The following SMC4 variants were observed in gnomAD, a reference collection of about 807,000 sequenced individuals.
The protein encoded by SMC4 is structural maintenance of chromosomes 4.
SMC4 carries 87 observed loss-of-function variants against 145.6 expected under a neutral mutation model. The observed-to-expected ratio is 0.60, with a 90% confidence interval of 0.50 to 0.71. SMC4 has a LOEUF of 0.71. SMC4 is among the 30% of genes least tolerant of loss of function. The probability of loss-of-function intolerance (pLI) is 0.00; values close to 1 mark genes in which losing one functional copy is unlikely to be tolerated. For missense variants in SMC4, 1,447 were observed against 1,537.1 expected, an observed-to-expected ratio of 0.94 and a Z score of 0.98; for synonymous variants, 558 against 500.7, an observed-to-expected ratio of 1.11 and a Z score of -1.53.
intron 19 of SMC4, 67 bp downstream of exon 19, chr3:160,430,810 A>G (rs935954354): frequency 1.3e-4 from 198 of 1,518,022 alleles, no homozygotes; most frequent in Non-Finnish European, 1.7e-4. Context: ...AGCTGGATAT[A>G]TGACAGTGCC....
intron 5 of SMC4, among the ~76,000 whole-genome samples, chr3:160,409,223 G>A (rs929811971): frequency 3.8e-5 from 5 of 129,976 alleles, no homozygotes. Flanking sequence ...TCGAGATCGC[G>A]CCACTGCACT....
At chr3:160,416,523 T>A in intron 10 of SMC4, 108 bp downstream of exon 10, 2 of 632,718 alleles carry the variant, frequency 3.2e-6, no homozygotes, top group Non-Finnish European at 2.6e-6. Flanking sequence ...TTTGGACTTT[T>A]AATGTCCAAC....
Position 160,419,431 on chromosome 3 carries a change from A to T in SMC4, c.1745A>T (p.Lys582Ile). Residue 582 changes from lysine (K) to isoleucine (I), a missense_variant, in exon 12 of 24, where the codon AAA becomes ATA. Coordinates refer to ENST00000357388, the MANE Select transcript of SMC4 (RefSeq NM_001002800.3). ...AGTTTGGTTCATGATCTCTTTCAAA[A>T]AGTTGAAGAAGCAAAGAGCTCATTA... ...FKSLVHDLFQ[K>I]VEEAKSSLAM... 3 of 1,612,650 alleles carry T rather than the reference A, an allele frequency of 1.9e-6. No homozygotes were observed. Among genetic ancestry groups the T allele is most frequent in the Non-Finnish European group, 2.5e-6 (3 of 1,179,648 alleles).
At chr3:160,418,543 T>C (rs1485911034) in intron 11 of SMC4, among the ~76,000 whole-genome samples, 1 of 152,144 alleles carries the variant, frequency 6.6e-6, no homozygotes, top group Non-Finnish European at 1.5e-5. Flanking sequence ...AAAATAAATA[T>C]GAGTCTTTTT....
At chr3:160,423,324 T>C in intron 13 of SMC4, 101 bp from the exon 14 acceptor site, 1 of 868,794 alleles carries the variant, frequency 1.2e-6, no homozygotes, top group East Asian at 2.5e-5. Flanking sequence ...AATTCTTGTT[T>C]CTTTTGTTGA....
In SMC4 at chr3:160,416,420, GTTTT is replaced by G. The variant is rs572963988; in HGVS notation, c.1437+14_1437+17del. The stretch of plus-strand genomic sequence containing the variant: ...GGGCTTCAGAAAGAAAAAGAAGTAA[GTTTT>G]TTTTTTTTATCAGTGTTTATTTTGG... On this transcript the variant is annotated splice_donor_region_variant and intron_variant, in intron 10 of 23. Coordinates refer to ENST00000357388, the MANE Select transcript of SMC4 (RefSeq NM_001002800.3). 4.5e-6 allele frequency: 5 copies of G among 1,106,636 alleles called. No individual in the cohort carries two copies. The highest frequency in any genetic ancestry group is 2.3e-5 in the South Asian group (1 of 44,278). The allele number at this position is 1,106,636 out of a possible 1,614,324, so 68.6% of individuals were successfully genotyped here.
At chr3:160,403,834 G>T (rs971165865) in intron 4 of SMC4, among the ~76,000 whole-genome samples, 11 of 151,668 alleles carry the variant, frequency 7.3e-5, no homozygotes, top group African/African-American at 2.4e-4. Flanking sequence ...GAATTTAGTT[G>T]TTATTTCTTT....
At position 160,412,331 on chromosome 3, in the gene SMC4, CAG is replaced by C. The variant is rs1313632878; in HGVS notation, c.859_860del (p.Arg287GlyfsTer27). ...TAAACTTTTAATTTCTGTAGTTAAACAGGGTAAAGATGGTGGAAAAGGAAAAG... is the reference window on the plus strand; with the variant it reads ...TAAACTTTTAATTTCTGTAGTTAAACGGTAAAGATGGTGGAAAAGGAAAAG... Reference protein sequence around the residue: ...LNEHRGEKLNRVKMVEKEKDA... With the variant: ...LNEHRGEKLNXVKMVEKEKDA... On this transcript the variant is annotated frameshift_variant, in exon 7 of 24. Transcript: ENST00000357388. LOFTEE classifies it high-confidence loss of function. The C allele has an allele frequency of 6.3e-6, 10 of 1,588,368 alleles. No individual in the cohort carries two copies. Among genetic ancestry groups the C allele is most frequent in the Admixed American group, 1.7e-5 (1 of 58,874 alleles).
At chr3:160,424,729 G>C in intron 15 of SMC4, 138 bp from the exon 16 acceptor site, 1 of 827,226 alleles carries the variant, frequency 1.2e-6, no homozygotes. Flanking sequence ...AGAATCGCTT[G>C]AACCCGGGAG....
chr3:160,412,943 T>C (rs980692780), intron 7 of SMC4: 1 of 350,590 alleles, frequency 2.9e-6, no homozygotes, highest in South Asian at 1.1e-4. Flanking sequence ...TTTCAGCTTA[T>C]GATGAACTGT....
chr3:160,414,669 G>A, intron 9 of SMC4, 152 bp downstream of exon 9: 1 of 820,562 alleles, frequency 1.2e-6, no homozygotes, highest in South Asian at 1.7e-5. Context: ...ACCCCCTCAA[G>A]GGAAACCTTG....
intron 7 of SMC4, chr3:160,412,804 T>TTATC (rs10673842): frequency 0.52 from 499,190 of 964,538 alleles, 131,610 homozygotes; most frequent in African/African-American, 0.57. Flanking sequence ...TTAGGCATAT[T>TTATC]AATTCATTGA....
intron 5 of SMC4, among the ~76,000 whole-genome samples, chr3:160,407,542 G>C (rs1576944794): frequency 6.6e-6 from 1 of 151,270 alleles, no homozygotes; most frequent in Non-Finnish European, 1.5e-5. Context: ...GACAGACCTT[G>C]TCTCTAAATA....
intron 5 of SMC4, among the ~76,000 whole-genome samples, chr3:160,406,282 T>C (rs1404346723): frequency 5.3e-5 from 8 of 152,070 alleles, no homozygotes; most frequent in Non-Finnish European, 8.8e-5. Flanking sequence ...TCAATTAAAT[T>C]TATAGATAAG....
At chr3:160,431,244 C>A (rs776395942) in intron 20 of SMC4, 39 bp downstream of exon 20, 23 of 1,499,026 alleles carry the variant, frequency 1.5e-5, no homozygotes, top group Non-Finnish European at 1.8e-5. Flanking sequence ...TAAACATATT[C>A]TTTATGAAAA....
chr3:160,404,694 ATG>A, intron 5 of SMC4, 190 bp downstream of exon 5: 1 of 737,238 alleles, frequency 1.4e-6, no homozygotes, highest in Non-Finnish European at 2.5e-6. Context: ...ATTCAAAACT[ATG>A]TTTTCATCAT....
At chr3:160,410,779 G>C (rs1216802977) in intron 5 of SMC4, among the ~76,000 whole-genome samples, 3 of 152,092 alleles carry the variant, frequency 2.0e-5, no homozygotes, top group African/African-American at 7.2e-5. Context: ...GCTCTCATTA[G>C]TAAGTTTTAC....
In SMC4 at chr3:160,423,533, T is replaced by C. The variant is rs1366191354; in HGVS notation, c.2128T>C (p.Phe710Leu). Residue 710 changes from phenylalanine (F) to leucine (L), a missense_variant, in exon 14 of 24, where the codon TTT (phenylalanine) becomes CTT (leucine). Phe to Leu is a conservative substitution (Grantham distance 22). Transcript: ENST00000357388. Reference sequence around the variant, plus strand: ...TGAGAAAATTCGCCAAGCTTTTTATTTTGCTTTACGAGATACCTTAGTAGC... The same window carrying C: ...TGAGAAAATTCGCCAAGCTTTTTATCTTGCTTTACGAGATACCTTAGTAGC... ...KDEKIRQAFY[F>L]ALRDTLVADN... 1.9e-6 allele frequency: 3 copies of C among 1,613,822 alleles called. No homozygotes were observed. The African/African-American group carries it at 4.0e-5, about 22-fold the overall frequency.
At chr3:160,413,792 T>C (rs1716285968) in intron 8 of SMC4, 179 bp downstream of exon 8, 5 of 407,862 alleles carry the variant, frequency 1.2e-5, no homozygotes, top group South Asian at 6.3e-5. Flanking sequence ...ACAGATGAAA[T>C]TCCCTACTCT....
Sources: allele counts gnomAD v4.1 joint callset (sites outside exome capture counted in the v4.1 genomes callset), GRCh38; gene constraint gnomAD v4.1.1; transcripts MANE v1.5; gene names NCBI Gene and HGNC (gene_info 2026-07-23, HGNC 2026-07-21).